LRMDA: variants seen among roughly 807,000 people sequenced by gnomAD.
The protein encoded by LRMDA is leucine rich melanocyte differentiation associated, also known as leucine-rich melanocyte differentiation-associated protein.
A neutral mutation model predicts 29.8 loss-of-function variants in LRMDA; 18 were observed. That is an observed-to-expected ratio of 0.60 (90% CI 0.42 to 0.90). LRMDA has a LOEUF of 0.90. Ranked by LOEUF, LRMDA falls within the 40% of genes least tolerant of loss-of-function variation. The pLI, the probability that LRMDA is intolerant of heterozygous loss-of-function variation, is 0.00. For synonymous variants in LRMDA, 125 were observed against 109.4 expected (o/e 1.14, Z -0.89); for missense variants, 273 against 273.9 (o/e 1.00, Z 0.02).
chr10:76,166,038 A>G (rs538409441), intron 5 of LRMDA, among the ~76,000 whole-genome samples: 1 of 152,316 alleles, frequency 6.6e-6, no homozygotes, highest in East Asian at 1.9e-4. Context: ...GTAAACAATG[A>G]TGGGCATTTG....
At chr10:75,695,358 C>T (rs1423747552) in intron 2 of LRMDA, among the ~76,000 whole-genome samples, 6 of 151,722 alleles carry the variant, frequency 4.0e-5, no homozygotes, top group Admixed American at 2.6e-4. Flanking sequence ...CCTTTTCTTT[C>T]TCTTATGTCT....
chr10:75,493,353 GTGTGT>G (rs1845009405), intron 2 of LRMDA, among the ~76,000 whole-genome samples: 7 of 147,924 alleles, frequency 4.7e-5, no homozygotes, highest in South Asian at 4.3e-4. Flanking sequence ...GATTGGGTGT[GTGTGT>G]GTGTGTGTGT....
chr10:76,557,775 C>A lies in LRMDA; in HGVS notation c.*487C>A, dbSNP rs1246302564. 6.3e-6 allele frequency: 1 copy of A among 158,120 alleles called. No homozygotes were observed. The highest frequency in any genetic ancestry group is 2.4e-5 in the African/African-American group (1 of 41,550). The allele number at this position is 158,120 out of a possible 1,614,324, so 9.8% of individuals were successfully genotyped here. A position where few individuals can be genotyped will look rare whatever the true frequency, so the allele number is the denominator to read the frequency against. On this transcript the variant is annotated 3_prime_UTR_variant, in exon 7 of 7. Coordinates refer to ENST00000611255, the MANE Select transcript of LRMDA (RefSeq NM_001305581.2). ...AGTCACAGTTTAGGGGATGGCCATT[C>A]TCCCTCACTCCTTTTAAATCTTAAC... is the stretch of plus-strand genomic sequence containing the variant.
intron 6 of LRMDA, among the ~76,000 whole-genome samples, chr10:76,387,652 CA>C (rs1295064364): frequency 1.3e-5 from 2 of 150,176 alleles, no homozygotes; most frequent in Non-Finnish European, 3.0e-5. Flanking sequence ...ATTTAACCCA[CA>C]AAAATAAGTC....
At chr10:76,105,990 AC>A (rs1167840358) in intron 5 of LRMDA, among the ~76,000 whole-genome samples, 1 of 151,988 alleles carries the variant, frequency 6.6e-6, no homozygotes, top group Non-Finnish European at 1.5e-5. Context: ...CAGGTAATCC[AC>A]CCACCTCAGC....
chr10:75,442,128 CT>C (rs1844333034), intron 2 of LRMDA, among the ~76,000 whole-genome samples: 1 of 152,308 alleles, frequency 6.6e-6, no homozygotes, highest in East Asian at 1.9e-4. Context: ...TTTTTTCCAA[CT>C]TTATTGAGGC....
In LRMDA at chr10:75,474,218, A is replaced by G. The variant is rs1385376257; in HGVS notation, c.131+35724A>G. Among the ~76,000 whole-genome samples, 10 of 152,244 alleles carry G rather than the reference A, an allele frequency of 6.6e-5. 1 individual carries two copies. On this transcript the variant is annotated intron_variant, in intron 2 of 6. Coordinates refer to ENST00000611255, the MANE Select transcript of LRMDA (RefSeq NM_001305581.2). ...ACCTGGTATCAGGATGAACTGTCAC[A>G]AAGAAGTAAGGCAGTGAGTGTTTCC... is the stretch of plus-strand genomic sequence containing the variant.
At chr10:76,464,697 T>A (rs1405946845) in intron 6 of LRMDA, 1 of 152,234 alleles carries the variant, frequency 6.6e-6, no homozygotes, top group Non-Finnish European at 1.5e-5. Context: ...TTTGAGCAGC[T>A]GCTTAAAATG....
chr10:75,444,787 A>G (rs1417448712), intron 2 of LRMDA, among the ~76,000 whole-genome samples: 2 of 152,240 alleles, frequency 1.3e-5, no homozygotes. Flanking sequence ...AGTCACTGAT[A>G]ATCTTACCAA....
Position 76,270,665 on chromosome 10 carries a change from C to T in LRMDA, c.517-53736C>T, listed in dbSNP as rs181070482. On this transcript the variant is annotated intron_variant, in intron 5 of 6. Coordinates refer to ENST00000611255, the MANE Select transcript of LRMDA (RefSeq NM_001305581.2). ...CTTACCTCATAATGGGCATTTTAAT[C>T]CTCTCTGTGATGCAATCCAATGCTT... The T allele has an allele frequency of 3.3e-5, 5 of 152,282 alleles. No individual in the cohort carries two copies. In the East Asian group the frequency reaches 9.7e-4, roughly 29 times the overall value. The allele number at this position is 152,282 out of a possible 1,614,324, so 9.4% of individuals were successfully genotyped here.
At chr10:76,368,379 G>A (rs1163888901) in intron 6 of LRMDA, among the ~76,000 whole-genome samples, 2 of 152,098 alleles carry the variant, frequency 1.3e-5, no homozygotes, top group African/African-American at 4.8e-5. Flanking sequence ...TCAGGAGCAG[G>A]TTATTTAATT....
At chr10:76,538,337 C>T (rs1303002882) in intron 6 of LRMDA, among the ~76,000 whole-genome samples, 1 of 151,668 alleles carries the variant, frequency 6.6e-6, no homozygotes, top group African/African-American at 2.4e-5. Context: ...CATAGATGGA[C>T]ATGTGTATAT....
chr10:75,468,448 C>A (rs1197204537), intron 2 of LRMDA, among the ~76,000 whole-genome samples: 1 of 152,012 alleles, frequency 6.6e-6, no homozygotes, highest in Non-Finnish European at 1.5e-5. Context: ...CTGGAAAGAG[C>A]CCTTCCAGAA....
At position 75,966,402 on chromosome 10, in the gene LRMDA, C is replaced by T. The variant is rs770515403; in HGVS notation, c.132-69606C>T. Among the ~76,000 whole-genome samples the T allele has an allele frequency of 7.2e-5, 11 of 152,216 alleles. 1 individual carries two copies. The highest frequency in any genetic ancestry group is 3.9e-4 in the East Asian group (2 of 5,168). On this transcript the variant is annotated intron_variant, in intron 2 of 6. Transcript: ENST00000611255. ...TTTGAGGATTCAACGAACCCATACG[C>T]GGAAAGCACCTAGCACCGTGCTTAG...
intron 6 of LRMDA, among the ~76,000 whole-genome samples, chr10:76,329,393 C>G (rs1840876629): frequency 6.6e-6 from 1 of 152,084 alleles, no homozygotes; most frequent in South Asian, 2.1e-4. Flanking sequence ...AGTGAATGTC[C>G]CTGAATTATT....
intron 2 of LRMDA, among the ~76,000 whole-genome samples, chr10:75,548,751 T>C (rs1013449894): frequency 2.0e-5 from 3 of 152,122 alleles, no homozygotes; most frequent in Admixed American, 6.6e-5. Flanking sequence ...ATAAAAAAGA[T>C]CTAAGTATCT....
rs563108422 is a variant in LRMDA, at chr10:75,761,995, GT to G, written c.132-274009del. Among the ~76,000 whole-genome samples the G allele has an allele frequency of 2.6e-5, 4 of 151,788 alleles. No individual in the cohort carries two copies. The South Asian group carries it at 6.2e-4, about 24-fold the overall frequency. On this transcript the variant is annotated intron_variant, in intron 2 of 6. Transcript: ENST00000611255. ...TTTAAATACTTTTTGTAGAGATGAG[GT>G]TTTGCCATGTTGCCCAGGCTGGTCT...
At chr10:75,476,373 C>A (rs895686978) in intron 2 of LRMDA, among the ~76,000 whole-genome samples, 1 of 152,124 alleles carries the variant, frequency 6.6e-6, no homozygotes, top group Non-Finnish European at 1.5e-5. Flanking sequence ...CCTCCTACCC[C>A]AACTGTTTGC....
chr10:75,687,099 A>C (rs1341422142), intron 2 of LRMDA, among the ~76,000 whole-genome samples: 1 of 152,198 alleles, frequency 6.6e-6, no homozygotes, highest in Non-Finnish European at 1.5e-5. Context: ...GAGACAAAAC[A>C]ATATAGAAAT....
Sources: allele counts gnomAD v4.1 joint callset (sites outside exome capture counted in the v4.1 genomes callset), GRCh38; gene constraint gnomAD v4.1.1; transcripts MANE v1.5; gene names NCBI Gene and HGNC (gene_info 2026-07-23, HGNC 2026-07-21).